RIPOR3: variants seen among roughly 807,000 people sequenced by gnomAD.
RIPOR3 encodes the protein RIPOR family member 3.
RIPOR3 carries 95 observed loss-of-function variants against 114.3 expected under a neutral mutation model. That is an observed-to-expected ratio of 0.83 (90% CI 0.70 to 0.99). The LOEUF (loss-of-function observed/expected upper bound fraction) is 0.99, where lower values mean the gene tolerates loss of function less well. Ranked by LOEUF, RIPOR3 falls within the 50% of genes least tolerant of loss-of-function variation. The pLI, the probability that RIPOR3 is intolerant of heterozygous loss-of-function variation, is 0.00. For synonymous variants in RIPOR3, 575 were observed against 543.8 expected (o/e 1.06, Z -0.80); for missense variants, 1,252 against 1,266.9 (o/e 0.99, Z 0.18).
chr20:50,636,743 G>A, intron 1 of RIPOR3: 1 of 985,542 alleles, frequency 1.0e-6, no homozygotes, highest in Non-Finnish European at 1.2e-6. Flanking sequence ...CCGTCCCCAA[G>A]GTGTGGCTGG....
At chr20:50,673,656 C>T (rs955107564) in intron 1 of RIPOR3, among the ~76,000 whole-genome samples, 1 of 152,150 alleles carries the variant, frequency 6.6e-6, no homozygotes, top group Non-Finnish European at 1.5e-5. Context: ...AAGACACAGG[C>T]GTGTTAAAAT....
chr20:50,588,882 C>T (rs1191312063), intron 20 of RIPOR3, among the ~76,000 whole-genome samples: 4 of 151,450 alleles, frequency 2.6e-5, no homozygotes, highest in African/African-American at 9.7e-5. Flanking sequence ...AGATCGAGAC[C>T]ATCCTGGCTA....
At chr20:50,675,474 C>A (rs1031708370) in intron 1 of RIPOR3, among the ~76,000 whole-genome samples, 10 of 152,202 alleles carry the variant, frequency 6.6e-5, no homozygotes, top group African/African-American at 1.2e-4. Flanking sequence ...AGTTAAGGGA[C>A]TCATAGCTGG....
At chr20:50,633,978 TTC>T (rs1354141514) in intron 1 of RIPOR3, among the ~76,000 whole-genome samples, 1 of 131,450 alleles carries the variant, frequency 7.6e-6, no homozygotes, top group Non-Finnish European at 1.5e-5. Flanking sequence ...TTTCTTTCTT[TTC>T]TTTTTTTTTT....
intron 1 of RIPOR3, chr20:50,636,550 A>G (rs922621982): frequency 1.1e-5 from 11 of 985,554 alleles, no homozygotes; most frequent in Middle Eastern, 5.2e-4. Flanking sequence ...AGGGCAGAGA[A>G]GGGAGGCACA....
intron 2 of RIPOR3, among the ~76,000 whole-genome samples, chr20:50,623,407 A>G (rs2084497067): frequency 6.6e-6 from 1 of 152,100 alleles, no homozygotes; most frequent in Non-Finnish European, 1.5e-5. Flanking sequence ...TAGCGAGTGC[A>G]CCCCTGGGTG....
chr20:50,593,288 C>T, intron 17 of RIPOR3, 92 bp from the exon 18 acceptor site: 1 of 1,438,046 alleles, frequency 7.0e-7, no homozygotes, highest in Non-Finnish European at 9.3e-7. Context: ...AAAAGGCTTT[C>T]TGGGCCGGGC....
intron 2 of RIPOR3, among the ~76,000 whole-genome samples, chr20:50,624,963 C>T (rs916716664): frequency 3.3e-5 from 5 of 152,208 alleles, no homozygotes; most frequent in Admixed American, 1.3e-4. Context: ...GCAACAAGGA[C>T]GTGAGCCAAC....
At chr20:50,598,489 G>A (rs1480741781) in intron 13 of RIPOR3, among the ~76,000 whole-genome samples, 1 of 152,052 alleles carries the variant, frequency 6.6e-6, no homozygotes, top group African/African-American at 2.4e-5. Context: ...ACCAAACCAG[G>A]ATCCTAACTG....
intron 1 of RIPOR3, among the ~76,000 whole-genome samples, chr20:50,681,235 AAAAAAAAG>A (rs1454763600): frequency 1.8e-5 from 2 of 113,664 alleles, no homozygotes; most frequent in South Asian, 7.2e-4. Flanking sequence ...AAAAAAAAAA[AAAAAAAAG>A]AAAAGAAAAG....
At chr20:50,671,424 GCGCGCACACACACA>G (rs1411194672) in intron 1 of RIPOR3, among the ~76,000 whole-genome samples, 13,248 of 91,214 alleles carry the variant, frequency 0.15, 857 homozygotes, top group African/African-American at 0.21. Flanking sequence ...GTGCACGCGC[GCGCGCACACACACA>G]CACACACACA....
At chr20:50,684,999 T>C (rs1396532795) in intron 1 of RIPOR3, among the ~76,000 whole-genome samples, 1 of 152,078 alleles carries the variant, frequency 6.6e-6, no homozygotes, top group Non-Finnish European at 1.5e-5. Context: ...AGGCTGGTCT[T>C]GAACTCCTGG....
chr20:50,652,471 A>C (rs1227418628), intron 1 of RIPOR3, among the ~76,000 whole-genome samples: 3 of 151,848 alleles, frequency 2.0e-5, no homozygotes, highest in African/African-American at 7.3e-5. Context: ...GGCGCCTGTA[A>C]TCCCAGCTAC....
At chr20:50,620,203 C>T (rs2123159055) in intron 2 of RIPOR3, 71 bp from the exon 3 acceptor site, 4 of 1,570,566 alleles carry the variant, frequency 2.5e-6, no homozygotes, top group East Asian at 4.5e-5. Context: ...GGGGCAGGCA[C>T]TTTGGAAATA....
intron 2 of RIPOR3, among the ~76,000 whole-genome samples, chr20:50,628,127 C>A (rs1017510820): frequency 6.6e-6 from 1 of 152,222 alleles, no homozygotes; most frequent in Admixed American, 6.5e-5. Flanking sequence ...GAAACAGCAT[C>A]ATTTCCTGGC....
chr20:50,670,139 A>G (rs998255421), intron 1 of RIPOR3, among the ~76,000 whole-genome samples: 2 of 149,570 alleles, frequency 1.3e-5, no homozygotes, highest in African/African-American at 4.9e-5. Flanking sequence ...CCTGGGCAAC[A>G]AGAGCAGAAA....
chr20:50,636,406 G>A (rs533487300), intron 1 of RIPOR3, among the ~76,000 whole-genome samples: 3 of 152,298 alleles, frequency 2.0e-5, no homozygotes, highest in East Asian at 1.9e-4. Flanking sequence ...TTAGCTACTG[G>A]ATTGTGGGCA....
chr20:50,644,844 A>ATTT (rs34862675), intron 1 of RIPOR3, among the ~76,000 whole-genome samples: 11 of 136,576 alleles, frequency 8.1e-5, no homozygotes, highest in African/African-American at 2.9e-4. Context: ...TTTATTTTTT[A>ATTT]TTTTTTTTTT....
chr20:50,657,036 A>G (rs1053674623), intron 1 of RIPOR3, among the ~76,000 whole-genome samples: 5 of 152,242 alleles, frequency 3.3e-5, no homozygotes, highest in Non-Finnish European at 7.3e-5. Flanking sequence ...GAGCCTTGAT[A>G]TACCATACTT....
Sources: allele counts gnomAD v4.1 joint callset (sites outside exome capture counted in the v4.1 genomes callset), GRCh38; gene constraint gnomAD v4.1.1; transcripts MANE v1.5; gene names NCBI Gene and HGNC (gene_info 2026-07-23, HGNC 2026-07-21).